The following TEAD2 variants were observed in gnomAD, a reference collection of about 807,000 sequenced individuals.
TEAD2 encodes TEA domain transcription factor 2.
A neutral mutation model predicts 61.4 loss-of-function variants in TEAD2; 51 were observed. That is an observed-to-expected ratio of 0.83 (90% confidence interval 0.66 to 1.05). The LOEUF (loss-of-function observed/expected upper bound fraction) is 1.05. Ranked by LOEUF, TEAD2 falls within the 50% of genes least tolerant of loss-of-function variation. TEAD2 has a pLI of 0.00. For missense variants in TEAD2, 509 were observed against 600.0 expected (o/e 0.85, Z 1.58); for synonymous variants, 244 against 243.2 (o/e 1.00, Z -0.03).
rs547275074 is a variant in TEAD2 at position 49,355,084 on chromosome 19, G to A, written c.539+64C>T. 6.2e-5 allele frequency: 83 copies of A among 1,333,134 alleles called. 1 individual carries two copies. Among genetic ancestry groups the A allele is most frequent in the Admixed American group, 3.3e-4 (17 of 51,564 alleles). 82.6% of individuals were successfully genotyped at this position (1,333,134 alleles called of 1,614,324 possible). ...ACACAGGAGCTAGAAGGTGGAGTGA[G>A]AAAGGTCTCTGTGGGAGTGTGAGGG... On this transcript the variant is annotated intron_variant, in intron 7 of 12. Transcript: ENST00000593945.
intron 4 of TEAD2, among the ~76,000 whole-genome samples, chr19:49,356,931 C>T (rs1397175900): frequency 2.6e-5 from 4 of 151,904 alleles, no homozygotes; most frequent in African/African-American, 9.7e-5. Context: ...GGTCTCTGTC[C>T]CCCTCTGTCT....
chr19:49,360,225 TG>T, intron 1 of TEAD2, 144 bp from the exon 2 acceptor site: 1 of 654,382 alleles, frequency 1.5e-6, no homozygotes, highest in South Asian at 1.9e-5. Context: ...GAAGAGGAGC[TG>T]GGGGGTATTC....
At position 49,342,528 on chromosome 19, in the gene TEAD2, G is replaced by A. The variant is rs565615340; in HGVS notation, c.1152C>T (p.Cys384=). 20 of 1,614,122 alleles carry A rather than the reference G, an allele frequency of 1.2e-5. No homozygotes were observed. In the South Asian group the frequency reaches 1.6e-4, roughly 13 times the overall value. The change falls in exon 12 of 13, where the codon TGC becomes TGT. Residue 384 remains cysteine, a synonymous_variant. Coordinates refer to ENST00000593945, the MANE Select transcript of TEAD2 (RefSeq NM_001256660.2). The stretch of plus-strand genomic sequence containing the variant: ...TGTGCAAGAAATTCACCAGGTACTC[G>A]CACATGGGCGAGCGCAGCAGGCGGT... ...FVYRLLRSPM[C]EYLVNFLHKL... is the part of the protein sequence containing the mutation.
chr19:49,360,296 G>A, intron 1 of TEAD2: 2 of 587,946 alleles, frequency 3.4e-6, no homozygotes, highest in Non-Finnish European at 6.0e-6. Flanking sequence ...AGGAGGGGCT[G>A]GGGCCCGGAC....
intron 3 of TEAD2, among the ~76,000 whole-genome samples, chr19:49,358,228 C>T (rs904320946): frequency 6.6e-6 from 1 of 151,854 alleles, no homozygotes; most frequent in African/African-American, 2.4e-5. Flanking sequence ...AGCGAGACTC[C>T]GTCTCAAAAA....
Position 49,355,167 on chromosome 19 carries a change from G to A in TEAD2, c.520C>T (p.Pro174Ser). The A allele has an allele frequency of 1.2e-6, 2 of 1,610,872 alleles. No homozygotes were observed. Among genetic ancestry groups the A allele is most frequent in the Non-Finnish European group, 1.7e-6 (2 of 1,178,448 alleles). Residue 174 changes from proline to serine, a missense_variant, in exon 7 of 13, where the codon CCC becomes TCC. Coordinates refer to ENST00000593945, the MANE Select transcript of TEAD2 (RefSeq NM_001256660.2). ...ACTCACTCTGGAACATTCCAGGGGGGCCCAGATCCTCCAGACCAAAACTGG... is the reference window on the plus strand; with the variant it reads ...ACTCACTCTGGAACATTCCAGGGGGACCCAGATCCTCCAGACCAAAACTGG... Reference protein sequence around the residue: ...LFQFWSGGSGPPWNVPDVKPF... With the variant: ...LFQFWSGGSGSPWNVPDVKPF...
At chr19:49,342,275 G>A (rs557608238) in intron 12 of TEAD2, among the ~76,000 whole-genome samples, 163 bp downstream of exon 12, 55 of 152,162 alleles carry the variant, frequency 3.6e-4, no homozygotes, top group African/African-American at 1.2e-3. Flanking sequence ...TGGGGTCCCC[G>A]CTGCATCAGT....
Position 49,357,201 on chromosome 19 carries a change from C to A in TEAD2, c.360+51G>T, listed in dbSNP as rs568922579. The A allele has an allele frequency of 2.5e-6, 4 of 1,569,972 alleles. No homozygotes were observed. In the East Asian group the frequency reaches 9.0e-5, roughly 35 times the overall value. On this transcript the variant is annotated intron_variant, in intron 4 of 12. Coordinates refer to ENST00000593945, the MANE Select transcript of TEAD2 (RefSeq NM_001256660.2). ...GTCCCTCTCTTTCTGGGTCTCGGTC[C>A]CCCACCCCCAGTCTCTGTCCCCCTC...
chr19:49,343,178 G>T (rs1971410926), intron 11 of TEAD2, 53 bp downstream of exon 11: 14 of 1,547,768 alleles, frequency 9.0e-6, no homozygotes, highest in Non-Finnish European at 1.2e-5. Context: ...ATGGCTTCTG[G>T]TCCATTCTGC....
intron 4 of TEAD2, 36 bp downstream of exon 4, chr19:49,357,216 C>G: frequency 1.3e-6 from 2 of 1,545,698 alleles, no homozygotes; most frequent in Non-Finnish European, 1.8e-6. Flanking sequence ...CCCCCAGTCT[C>G]TGTCCCCCTC....
rs1425062192 is a variant in TEAD2, at chr19:49,355,148, T to C, written c.539A>G (p.Asp180Gly). The C allele has an allele frequency of 6.2e-7, 1 of 1,607,644 alleles. No individual in the cohort carries two copies. The highest frequency in any genetic ancestry group is 8.5e-7 in the Non-Finnish European group (1 of 1,176,800). Residue 180 changes from aspartate (D) to glycine (G), a missense_variant and splice_region_variant, in exon 7 of 13, where the codon GAT (aspartate) becomes GGT (glycine). By Grantham distance (94) the Asp-to-Gly change is moderately conservative (BLOSUM62 -1). Coordinates refer to ENST00000593945, the MANE Select transcript of TEAD2 (RefSeq NM_001256660.2). ...GGSGPPWNVP[D>G]VKPFSQTPFT... Reference sequence around the variant, plus strand: ...CTGAGCCAGGACACATAGTACTCACTCTGGAACATTCCAGGGGGGCCCAGA... The same window carrying C: ...CTGAGCCAGGACACATAGTACTCACCCTGGAACATTCCAGGGGGGCCCAGA...
At chr19:49,342,340 C>CAG (rs1971346003) in intron 12 of TEAD2, 98 bp downstream of exon 12, 2 of 1,480,470 alleles carry the variant, frequency 1.4e-6, no homozygotes, top group Non-Finnish European at 9.2e-7. Context: ...CCTGCTGTGT[C>CAG]AGTTCCTGGG....
intron 10 of TEAD2, among the ~76,000 whole-genome samples, chr19:49,344,600 G>A (rs1296789075): frequency 6.6e-6 from 1 of 152,080 alleles, no homozygotes; most frequent in African/African-American, 2.4e-5. Flanking sequence ...TTTTTCCCTT[G>A]AAGCCCGCAA....
At chr19:49,343,201 T>C in intron 11 of TEAD2, 30 bp downstream of exon 11, 1 of 1,586,682 alleles carries the variant, frequency 6.3e-7, no homozygotes, top group Non-Finnish European at 8.6e-7. Context: ...CCCCAAGTGC[T>C]GACCCAGAGC....
chr19:49,351,384 CA>C lies in TEAD2; in HGVS notation c.540-20del. On this transcript the variant is annotated intron_variant, in intron 7 of 12. Transcript: ENST00000593945. ...CTTCACACTGAGGGAAAAAGGAAGC[CA>C]GGGGTTAGCCAGGTAGAAAGATGCT... 1 of 1,601,894 alleles carries C rather than the reference CA, an allele frequency of 6.2e-7. No homozygotes were observed. The highest frequency in any genetic ancestry group is 8.5e-7 in the Non-Finnish European group (1 of 1,175,140).
chr19:49,341,517 G>T lies in TEAD2; in HGVS notation c.1243-80C>A. The T allele has an allele frequency of 8.9e-7, 1 of 1,119,696 alleles. No homozygotes were observed. The allele number at this position is 1,119,696 out of a possible 1,614,324, so 69.4% of individuals were successfully genotyped here. A position where few individuals can be genotyped will look rare whatever the true frequency, so the allele number is the denominator to read the frequency against. On this transcript the variant is annotated intron_variant, in intron 12 of 12. Transcript: ENST00000593945. This position sits in a 1 kb window ranked among gnomAD's most constrained non-coding sequence, Gnocchi z 4.2. ...CTGTGCCCCCCTGCCAAGCTATCAT[G>T]GAATACCCAGCAGGCTCTTTTCCAT...
At chr19:49,342,658 G>A (rs1348821415) in intron 11 of TEAD2, 68 bp from the exon 12 acceptor site, 47 of 1,575,176 alleles carry the variant, frequency 3.0e-5, no homozygotes, top group Middle Eastern at 2.3e-4. Flanking sequence ...CAGGAATTGA[G>A]CTCCACCCTG....
Position 49,341,430 on chromosome 19 carries a change from G to A in TEAD2, c.1250C>T (p.Thr417Ile), listed in dbSNP as rs748329251. ...LENFTILQVV[T>I]NRDTQELLLC... Reference sequence around the variant, plus strand: ...CAGCAGTTCCTGGGTGTCTCTGTTTGTCACCACCTGCCAGGAAGGCCAGGA... The same window carrying A: ...CAGCAGTTCCTGGGTGTCTCTGTTTATCACCACCTGCCAGGAAGGCCAGGA... Residue 417 changes from threonine (T) to isoleucine (I), a missense_variant, in exon 13 of 13, where the codon ACA becomes ATA. Transcript: ENST00000593945. The surrounding 1 kb of genome is among the most constrained non-coding windows in gnomAD (Gnocchi z 4.2). 1 of 1,613,836 alleles carries A rather than the reference G, an allele frequency of 6.2e-7. No individual in the cohort carries two copies. Among genetic ancestry groups the A allele is most frequent in the Admixed American group, 1.7e-5 (1 of 60,008 alleles).
At position 49,352,735 on chromosome 19, in the gene TEAD2, T is replaced by TC. The variant is rs1259243474; in HGVS notation, c.540-1371dup. On this transcript the variant is annotated intron_variant, in intron 7 of 12. Transcript: ENST00000593945. ...GTATTTTTTTAGTAGAGACGGGGTT[T>TC]CACTGTGTTGGTCAGGCTGGTCTCG... 2.6e-5 allele frequency among the ~76,000 whole-genome samples: 4 copies of TC among 152,164 alleles called. No homozygotes were observed. The East Asian group carries it at 7.7e-4, about 29-fold the overall frequency.
Sources: allele counts gnomAD v4.1 joint callset (sites outside exome capture counted in the v4.1 genomes callset), GRCh38; gene constraint gnomAD v4.1.1; non-coding constraint Gnocchi (gnomAD v3.1); transcripts MANE v1.5; gene names NCBI Gene and HGNC (gene_info 2026-07-23, HGNC 2026-07-21).